Variants in TNK2 observed in about 807,000 individuals in gnomAD.
The protein encoded by TNK2 is tyrosine kinase non receptor 2, also known as activated CDC42 kinase 1.
A neutral mutation model predicts 101.8 loss-of-function variants in TNK2; 83 were observed. The ratio of observed to expected loss-of-function variants is 0.82; its 90% CI spans 0.68 to 0.98. TNK2 has a LOEUF of 0.98. Among genes scored for constraint, TNK2 ranks in the 50% least tolerant of loss-of-function variants. The pLI, the probability that TNK2 is intolerant of heterozygous loss-of-function variation, is 0.00. For synonymous variants in TNK2, 804 were observed against 633.0 expected (o/e 1.27, Z -4.06); for missense variants, 1,665 against 1,483.2 (o/e 1.12, Z -2.01).
chr3:195,870,961 G>A (rs1324390850), intron 10 of TNK2, among the ~76,000 whole-genome samples: 1 of 145,782 alleles, frequency 6.9e-6, no homozygotes, highest in Non-Finnish European at 1.5e-5. Context: ...GGTGTGGGGG[G>A]ACTCGCTGTG....
chr3:195,868,151 G>C lies in TNK2; in HGVS notation c.2147C>G (p.Ala716Gly). ...CGCCTGGAAGATCTCTGCGGTCTGT[G>C]CGGAGCTGGGCGGCTTGCCCCCACC... ...PQGGGKPPSS[A>G]QTAEIFQALQ... The change falls in exon 13 of 16, where the codon GCA becomes GGA. Residue 716 changes from alanine to glycine, a missense_variant. This residue lies in a region of TNK2 where 1,136 missense variants were observed against 894.9 expected (regional missense o/e 1.27). Transcript: ENST00000672887. The C allele has an allele frequency of 6.2e-7, 1 of 1,611,126 alleles. No individual in the cohort carries two copies. The highest frequency in any genetic ancestry group is 8.5e-7 in the Non-Finnish European group (1 of 1,179,278).
intron 9 of TNK2, among the ~76,000 whole-genome samples, chr3:195,874,456 G>A (rs180688260): frequency 6.6e-6 from 1 of 152,260 alleles, no homozygotes; most frequent in Non-Finnish European, 1.5e-5. Flanking sequence ...CTGGGGGAAG[G>A]AGAGTAAGAG....
rs1756962464 is a variant in TNK2, at chr3:195,888,195, G to A, written c.163+231C>T. Among the ~76,000 whole-genome samples the A allele has an allele frequency of 6.6e-6, 1 of 152,140 alleles. No individual in the cohort carries two copies. Among genetic ancestry groups the A allele is most frequent in the African/African-American group, 2.4e-5 (1 of 41,440 alleles). On this transcript the variant is annotated intron_variant, in intron 2 of 15. Transcript: ENST00000672887. The surrounding 1 kb of genome is among the most constrained non-coding windows in gnomAD (Gnocchi z 5.3). ...GTGAGAACAATCACAACGGGGCATG[G>A]AGTGACTCCTGTGTAGCCAGCTTTA...
intron 15 of TNK2, among the ~76,000 whole-genome samples, chr3:195,864,900 A>G (rs1178323357): frequency 1.5e-5 from 2 of 131,220 alleles, no homozygotes; most frequent in Admixed American, 7.6e-5. Context: ...CCGGGTGCAA[A>G]TCAGTAAGAA....
intron 1 of TNK2, chr3:195,895,524 C>G (rs918213613): frequency 3.0e-6 from 4 of 1,351,662 alleles, no homozygotes; most frequent in Non-Finnish European, 3.8e-6. Flanking sequence ...TGCGGCCATT[C>G]CCTCCTGCAG....
chr3:195,868,227 G>C lies in TNK2; in HGVS notation c.2071C>G (p.Gln691Glu), dbSNP rs1386380592. 1 of 1,606,318 alleles carries C rather than the reference G, an allele frequency of 6.2e-7. No individual in the cohort carries two copies. Among genetic ancestry groups the C allele is most frequent in the Admixed American group, 1.7e-5 (1 of 59,878 alleles). ...GQTNYAFVPE[Q>E]ARPPPPLEDN... ...TCCAGGGGAGGGGGCGGCCGCGCCT[G>C]CTCAGGCACAAAGGCGTAGTTGGTC... Residue 691 changes from glutamine (Q) to glutamate (E), a missense_variant, in exon 13 of 16, where the codon CAG becomes GAG. Transcript: ENST00000672887.
intron 9 of TNK2, among the ~76,000 whole-genome samples, chr3:195,873,246 T>C (rs930933326): frequency 3.3e-5 from 5 of 152,106 alleles, no homozygotes; most frequent in Non-Finnish European, 5.9e-5. Flanking sequence ...CCTCTGCTGA[T>C]GTGGCCTAAG....
chr3:195,905,913 T>C (rs1341089899), intron 1 of TNK2, among the ~76,000 whole-genome samples: 2 of 152,158 alleles, frequency 1.3e-5, no homozygotes, highest in Admixed American at 6.5e-5. Context: ...GGAAAAAAGA[T>C]TTGTAAATCA....
In TNK2 at chr3:195,885,115, G is replaced by C. The variant is rs1365322149; in HGVS notation, c.235-82C>G. The C allele has an allele frequency of 4.3e-6, 6 of 1,383,764 alleles. No individual in the cohort carries two copies. Among genetic ancestry groups the C allele is most frequent in the East Asian group, 2.4e-5 (1 of 41,340 alleles). 85.7% of individuals were successfully genotyped at this position (1,383,764 alleles called of 1,614,324 possible). On this transcript the variant is annotated intron_variant, in intron 3 of 15. Coordinates refer to ENST00000672887, the MANE Select transcript of TNK2 (RefSeq NM_001382273.1). This position sits in a 1 kb window ranked among gnomAD's most constrained non-coding sequence, Gnocchi z 4.7. ...AGTCCCACCCCGCTGGGTCCACCTG[G>C]TGATCCCCGGCTTCGGCTTCCAGAT...
rs537041788 is a variant in TNK2 at position 195,890,759 on chromosome 3, G to C, written c.-18-2153C>G. Among the ~76,000 whole-genome samples the C allele has an allele frequency of 1.6e-3, 250 of 152,238 alleles. 2 individuals carry two copies. Among genetic ancestry groups the C allele is most frequent in the African/African-American group, 5.8e-3 (242 of 41,544 alleles). On this transcript the variant is annotated intron_variant, in intron 1 of 15. Coordinates refer to ENST00000672887, the MANE Select transcript of TNK2 (RefSeq NM_001382273.1). ...TTTTAATATAAAATAAATTTTCCTGGAATGAAACTACTGTGTAAACTTAAG... is the reference window on the plus strand; with the variant it reads ...TTTTAATATAAAATAAATTTTCCTGCAATGAAACTACTGTGTAAACTTAAG...
At chr3:195,887,839 T>G (rs1450673408) in intron 2 of TNK2, among the ~76,000 whole-genome samples, 1 of 88,658 alleles carries the variant, frequency 1.1e-5, no homozygotes. Context: ...CACACACGTG[T>G]GTGTGTGTGT....
In TNK2 at chr3:195,869,991, C is replaced by A. The variant is rs1743874411; in HGVS notation, c.1543+123G>T. On this transcript the variant is annotated intron_variant, in intron 11 of 15. Transcript: ENST00000672887. Reference sequence around the variant, plus strand: ...CGGAGCCAGGGACACAGCTGTCCCGCCTGCTGCCCTGACCCCACTGTCCCC... The same window carrying A: ...CGGAGCCAGGGACACAGCTGTCCCGACTGCTGCCCTGACCCCACTGTCCCC... 4.0e-6 allele frequency: 3 copies of A among 757,940 alleles called. No individual in the cohort carries two copies. The East Asian group carries it at 8.5e-5, about 21-fold the overall frequency. The allele number at this position is 757,940 out of a possible 1,614,324, so 47.0% of individuals were successfully genotyped here. A position where few individuals can be genotyped will look rare whatever the true frequency, so the allele number is the denominator to read the frequency against.
Position 195,902,857 on chromosome 3 carries a change from CT to C in TNK2, c.-19+5627del, listed in dbSNP as rs1162357919. On this transcript the variant is annotated intron_variant, in intron 1 of 15. Coordinates refer to ENST00000672887, the MANE Select transcript of TNK2 (RefSeq NM_001382273.1). ...CTCCACCTCCTGGGTTCAAGCGATT[CT>C]TGTGCCTCGGCCTCCCAAGTAGCTG... 2.0e-5 allele frequency among the ~76,000 whole-genome samples: 3 copies of C among 151,786 alleles called. No homozygotes were observed. In the East Asian group the frequency reaches 5.9e-4, roughly 30 times the overall value.
At chr3:195,870,047 G>A in intron 11 of TNK2, 67 bp downstream of exon 11, 1 of 1,242,048 alleles carries the variant, frequency 8.1e-7, no homozygotes, top group African/African-American at 1.5e-5. Context: ...AGGGTGGCCT[G>A]TGAAGACAGT....
chr3:195,886,855 A>AGT lies in TNK2; in HGVS notation c.234+120_234+121dup. The AGT allele has an allele frequency of 9.3e-7, 1 of 1,080,032 alleles. No homozygotes were observed. Among genetic ancestry groups the AGT allele is most frequent in the Non-Finnish European group, 1.4e-6 (1 of 698,976 alleles). 66.9% of individuals were successfully genotyped at this position (1,080,032 alleles called of 1,614,324 possible). A position where few individuals can be genotyped will look rare whatever the true frequency, so the allele number is the denominator to read the frequency against. On this transcript the variant is annotated intron_variant, in intron 3 of 15. Transcript: ENST00000672887. This position sits in a 1 kb window ranked among gnomAD's most constrained non-coding sequence, Gnocchi z 4.2. ...CCCTGGACGAGGGGGTCCTGTACAA[A>AGT]GTGCCGGCAGAACGGCGAGATTCGA...
chr3:195,864,035 T>TC lies in TNK2; in HGVS notation c.*145dup. On this transcript the variant is annotated 3_prime_UTR_variant, in exon 16 of 16. Transcript: ENST00000672887. ...GATGGGCAGGGCAGGGCTCCCAGCC[T>TC]CCCGCAGCCTTGGCCTTGCTCCATC... The TC allele has an allele frequency of 1.8e-6, 2 of 1,090,978 alleles. No homozygotes were observed. The highest frequency in any genetic ancestry group is 2.4e-5 in the East Asian group (1 of 42,076). The allele number at this position is 1,090,978 out of a possible 1,614,324, so 67.6% of individuals were successfully genotyped here. A position where few individuals can be genotyped will look rare whatever the true frequency, so the allele number is the denominator to read the frequency against.
At chr3:195,866,294 A>G (rs1481101790) in intron 15 of TNK2, among the ~76,000 whole-genome samples, 5 of 151,952 alleles carry the variant, frequency 3.3e-5, no homozygotes, top group African/African-American at 1.2e-4. Flanking sequence ...TCCGCCTCCC[A>G]GGTTGAAGCG....
Position 195,882,829 on chromosome 3 carries a change from G to A in TNK2, c.609+328C>T, listed in dbSNP as rs1387463020. On this transcript the variant is annotated intron_variant, in intron 5 of 15. Coordinates refer to ENST00000672887, the MANE Select transcript of TNK2 (RefSeq NM_001382273.1). The surrounding 1 kb of genome is among the most constrained non-coding windows in gnomAD (Gnocchi z 4.2). ...GCCTAGATCATGCCATTGCACTCCA[G>A]CCTGGGCGACAAAGTGAGACTCCAT... Among the ~76,000 whole-genome samples, 1 of 152,184 alleles carries A rather than the reference G, an allele frequency of 6.6e-6. No homozygotes were observed. The highest frequency in any genetic ancestry group is 1.9e-4 in the East Asian group (1 of 5,196).
chr3:195,890,463 T>G (rs1429486098), intron 1 of TNK2, among the ~76,000 whole-genome samples: 2 of 149,990 alleles, frequency 1.3e-5, no homozygotes, highest in East Asian at 1.9e-4. Flanking sequence ...GGTTTTTTTT[T>G]TTTTTTTTTT....
Sources: gnomAD v4.1 joint callset for allele counts (sites outside exome capture counted in the v4.1 genomes callset) on GRCh38, gnomAD v4.1.1 for gene constraint, gnomAD v4.1.1 regional missense constraint, Gnocchi (gnomAD v3.1) non-coding constraint, MANE v1.5 for transcripts, NCBI Gene and HGNC (gene_info 2026-07-23, HGNC 2026-07-21) for gene names.